The following PTPN13 variants were observed in gnomAD, a reference collection of about 807,000 sequenced individuals.
PTPN13 encodes tyrosine-protein phosphatase non-receptor type 13.
PTPN13 carries 191 observed loss-of-function variants against 284.0 expected under a neutral mutation model. The ratio of observed to expected loss-of-function variants is 0.67; its 90% CI spans 0.60 to 0.76. The LOEUF (loss-of-function observed/expected upper bound fraction) is 0.76, where lower values mean the gene tolerates loss of function less well. Ranked by LOEUF, PTPN13 falls within the 30% of genes least tolerant of loss-of-function variation. The pLI is 0.00. For missense variants in PTPN13, 2,797 were observed against 2,939.9 expected, an observed-to-expected ratio of 0.95 and a Z score of 1.12; for synonymous variants, 986 against 1,022.3, an observed-to-expected ratio of 0.96 and a Z score of 0.68.
chr4:86,811,068 G>T lies in PTPN13; in HGVS notation c.7322G>T (p.Arg2441Leu), dbSNP rs182154840. 1 of 1,613,322 alleles carries T rather than the reference G, an allele frequency of 6.2e-7. No homozygotes were observed. Among genetic ancestry groups the T allele is most frequent in the South Asian group, 1.1e-5 (1 of 91,000 alleles). The change falls in exon 47 of 48, where the codon CGC becomes CTC. Residue 2441 changes from arginine (R) to leucine (L), a missense_variant. Arg to Leu is a moderately radical substitution (Grantham distance 102). Coordinates refer to ENST00000411767, the MANE Select transcript of PTPN13 (RefSeq NM_080683.3). ...DLDFDISDLV[R>L]CMRLQRHGMV... is the part of the protein sequence containing the mutation. ...CAGTTTGACATCTCTGATTTGGTGC[G>T]CTGCATGAGACTACAAAGACACGGA...
At chr4:86,747,215 GAGC>G (rs1226608645) in intron 17 of PTPN13, among the ~76,000 whole-genome samples, 2 of 152,200 alleles carry the variant, frequency 1.3e-5, no homozygotes, top group Non-Finnish European at 2.9e-5. Context: ...ATGAGCTCAG[GAGC>G]CAAATTGCCA....
At chr4:86,791,069 A>C (rs1578681372) in intron 40 of PTPN13, among the ~76,000 whole-genome samples, 1 of 152,270 alleles carries the variant, frequency 6.6e-6, no homozygotes, top group East Asian at 1.9e-4. Flanking sequence ...ACAAGGTGTC[A>C]GGGGATTTCC....
chr4:86,601,798 T>C (rs4525937), intron 1 of PTPN13, among the ~76,000 whole-genome samples: 1,539 of 152,278 alleles, frequency 0.01, 16 homozygotes, highest in Middle Eastern at 0.024. Context: ...TGTTTGAGGA[T>C]TTTTCTAGAT....
intron 47 of PTPN13, among the ~76,000 whole-genome samples, chr4:86,813,518 C>T (rs1259090501): frequency 6.6e-6 from 1 of 152,106 alleles, no homozygotes; most frequent in African/African-American, 2.4e-5. Flanking sequence ...GATCTCTGCT[C>T]ACTGCAACCT....
At chr4:86,728,723 G>A (rs1304374412) in intron 10 of PTPN13, among the ~76,000 whole-genome samples, 2 of 105,142 alleles carry the variant, frequency 1.9e-5, no homozygotes, top group Middle Eastern at 6.8e-3. Context: ...TTTATTTTGA[G>A]CCTATGTGTT....
intron 12 of PTPN13, 30 bp from the exon 13 acceptor site, chr4:86,734,273 T>G: frequency 1.4e-6 from 2 of 1,396,822 alleles, no homozygotes; most frequent in Non-Finnish European, 1.9e-6. Context: ...TTTTTTTATT[T>G]TATCTGAATA....
At chr4:86,748,686 C>T (rs535237288) in intron 17 of PTPN13, among the ~76,000 whole-genome samples, 60 of 151,944 alleles carry the variant, frequency 3.9e-4, no homozygotes, top group African/African-American at 1.3e-3. Context: ...AATGTAGTAT[C>T]GCTCTGTTGC....
chr4:86,678,481 G>C (rs1296412120), intron 3 of PTPN13, among the ~76,000 whole-genome samples: 1 of 152,132 alleles, frequency 6.6e-6, no homozygotes, highest in African/African-American at 2.4e-5. Flanking sequence ...AAAAGTGATT[G>C]ACTATTTGCT....
At chr4:86,636,298 C>A (rs894395560) in intron 2 of PTPN13, among the ~76,000 whole-genome samples, 2 of 152,254 alleles carry the variant, frequency 1.3e-5, no homozygotes, top group African/African-American at 2.4e-5. Context: ...AATGGTTTTG[C>A]GGCATTGTGG....
chr4:86,694,579 CAAAAAAAAAAAA>C lies in PTPN13; in HGVS notation c.634+919_634+930del, dbSNP rs1000226646. Among the ~76,000 whole-genome samples the C allele has an allele frequency of 3.2e-3, 102 of 32,334 alleles. 1 individual carries two copies. Among genetic ancestry groups the C allele is most frequent in the African/African-American group, 0.011 (96 of 8,480 alleles). 21.2% of individuals were successfully genotyped at this position (32,334 alleles called of 152,430 possible). ...GGCAACAAAGAGTGAACTTCTGTCT[CAAAAAAAAAAAA>C]AAAAAAAAAAAAAGAATGGAAATTT... On this transcript the variant is annotated intron_variant, in intron 6 of 47. Transcript: ENST00000411767.
At chr4:86,668,452 A>G (rs1157686574) in intron 2 of PTPN13, among the ~76,000 whole-genome samples, 2 of 152,216 alleles carry the variant, frequency 1.3e-5, no homozygotes, top group Non-Finnish European at 2.9e-5. Context: ...TGTTTTCTCA[A>G]GAATCCAGTA....
intron 5 of PTPN13, chr4:86,689,857 G>C (rs1257909896): frequency 2.0e-5 from 13 of 650,946 alleles, no homozygotes; most frequent in Non-Finnish European, 3.6e-5. Context: ...TATCTGATCT[G>C]GATCTATACT....
At chr4:86,599,847 T>C (rs1180585622) in intron 1 of PTPN13, among the ~76,000 whole-genome samples, 2 of 152,212 alleles carry the variant, frequency 1.3e-5, no homozygotes, top group Non-Finnish European at 2.9e-5. Flanking sequence ...TTTAGTGTCC[T>C]TGTTTTTATT....
intron 1 of PTPN13, among the ~76,000 whole-genome samples, chr4:86,606,576 G>A (rs1764760035): frequency 1.3e-5 from 2 of 151,750 alleles, no homozygotes; most frequent in Non-Finnish European, 1.5e-5. Context: ...TACTTGGCAG[G>A]TATCTATTCC....
At position 86,811,071 on chromosome 4, in the gene PTPN13, G is replaced by C; in HGVS notation, c.7325G>C (p.Cys2442Ser). The C allele has an allele frequency of 6.2e-7, 1 of 1,613,600 alleles. No individual in the cohort carries two copies. Among genetic ancestry groups the C allele is most frequent in the Non-Finnish European group, 8.5e-7 (1 of 1,179,638 alleles). ...TTTGACATCTCTGATTTGGTGCGCTGCATGAGACTACAAAGACACGGAATG... is the reference window on the plus strand; with the variant it reads ...TTTGACATCTCTGATTTGGTGCGCTCCATGAGACTACAAAGACACGGAATG... ...LDFDISDLVR[C>S]MRLQRHGMVQ... Residue 2442 changes from cysteine (C) to serine (S), a missense_variant, in exon 47 of 48, where the codon TGC becomes TCC. Physicochemically the swap from Cys to Ser is moderately radical, Grantham distance 112 (BLOSUM62 -1). Coordinates refer to ENST00000411767, the MANE Select transcript of PTPN13 (RefSeq NM_080683.3).
At position 86,762,868 on chromosome 4, in the gene PTPN13, C is replaced by A; in HGVS notation, c.3695C>A (p.Ser1232Tyr). ...ACCCTGAGGCACATCTCGGAGAACT[C>A]CTTTGGGCCATCTGGGGGCCTGCGG... is the stretch of plus-strand genomic sequence containing the variant. ...RGTLRHISEN[S>Y]FGPSGGLREG... The change falls in exon 24 of 48, where the codon TCC becomes TAC. Residue 1232 changes from serine (S) to tyrosine (Y), a missense_variant. Physicochemically the swap from Ser to Tyr is moderately radical, Grantham distance 144. Coordinates refer to ENST00000411767, the MANE Select transcript of PTPN13 (RefSeq NM_080683.3). The A allele has an allele frequency of 1.2e-6, 2 of 1,613,886 alleles. No individual in the cohort carries two copies. Among genetic ancestry groups the A allele is most frequent in the Non-Finnish European group, 1.7e-6 (2 of 1,179,832 alleles).
At chr4:86,708,795 GT>G (rs1732049778) in intron 7 of PTPN13, among the ~76,000 whole-genome samples, 1 of 152,036 alleles carries the variant, frequency 6.6e-6, no homozygotes, top group African/African-American at 2.4e-5. Flanking sequence ...ATTTACCAAT[GT>G]TCCATCACCT....
rs373626875 is a variant in PTPN13 at position 86,626,410 on chromosome 4, G to A, written c.-5-8842G>A. On this transcript the variant is annotated intron_variant, in intron 1 of 47. Transcript: ENST00000411767. ...AGATACATGCTGTTTCTACCTTGTG[G>A]CAACATCCAATTAAAACTTCACTGA... Among the ~76,000 whole-genome samples, 9 of 152,136 alleles carry A rather than the reference G, an allele frequency of 5.9e-5. No individual in the cohort carries two copies. The East Asian group carries it at 1.5e-3, about 26-fold the overall frequency.
chr4:86,635,815 T>G (rs568258926), intron 2 of PTPN13, among the ~76,000 whole-genome samples: 2 of 151,956 alleles, frequency 1.3e-5, no homozygotes, highest in South Asian at 2.1e-4. Flanking sequence ...AATACAAAAT[T>G]TAGCCGGTGT....
Sources: allele counts gnomAD v4.1 joint callset (sites outside exome capture counted in the v4.1 genomes callset), GRCh38; gene constraint gnomAD v4.1.1; transcripts MANE v1.5; gene names NCBI Gene and HGNC (gene_info 2026-07-23, HGNC 2026-07-21).